The following HS3ST3A1 variants were observed in gnomAD, a reference collection of about 807,000 sequenced individuals.
HS3ST3A1 encodes heparan sulfate-glucosamine 3-sulfotransferase 3A1.
Under a neutral mutation model 25.7 loss-of-function variants are expected in HS3ST3A1, and 19 were observed. The ratio of observed to expected loss-of-function variants is 0.74; its 90% CI spans 0.52 to 1.08. The LOEUF (loss-of-function observed/expected upper bound fraction) is 1.08. HS3ST3A1 is among the 50% of genes least tolerant of loss of function. The pLI, the probability that HS3ST3A1 is intolerant of heterozygous loss-of-function variation, is 0.00. For missense variants in HS3ST3A1, 459 were observed against 594.3 expected, an observed-to-expected ratio of 0.77 and a Z score of 2.37; for synonymous variants, 226 against 278.6, an observed-to-expected ratio of 0.81 and a Z score of 1.88.
At chr17:13,512,321 A>AAAAAAAAAAAAAAAAC (rs1395357582) in intron 1 of HS3ST3A1, among the ~76,000 whole-genome samples, 9 of 144,674 alleles carry the variant, frequency 6.2e-5, no homozygotes, top group African/African-American at 1.6e-4. Flanking sequence ...AAAAAAAAAA[A>AAAAAAAAAAAAAAAAC]AAAAAACTGC....
intron 1 of HS3ST3A1, among the ~76,000 whole-genome samples, chr17:13,521,169 C>T (rs1286332592): frequency 6.6e-6 from 1 of 152,204 alleles, no homozygotes; most frequent in African/African-American, 2.4e-5. Context: ...GGTCTACAGA[C>T]TCCATCAGAA....
At chr17:13,592,771 G>T (rs1391807683) in intron 1 of HS3ST3A1, among the ~76,000 whole-genome samples, 2 of 151,490 alleles carry the variant, frequency 1.3e-5, no homozygotes, top group African/African-American at 4.8e-5. Context: ...TTCTGAGGGA[G>T]ATTTTCATTA....
intron 1 of HS3ST3A1, among the ~76,000 whole-genome samples, chr17:13,584,546 GGAAA>G (rs374270601): frequency 8.0e-5 from 12 of 149,394 alleles, no homozygotes; most frequent in African/African-American, 2.7e-4. Flanking sequence ...AAGGAAGGAA[GGAAA>G]GAAGGAAGGA....
intron 1 of HS3ST3A1, among the ~76,000 whole-genome samples, chr17:13,526,472 T>TA: frequency 1.7e-5 from 1 of 58,364 alleles, no homozygotes; most frequent in African/African-American, 6.2e-5. Context: ...CAACTTTAAT[T>TA]TTTATATATA....
At chr17:13,562,537 A>G (rs1907576301) in intron 1 of HS3ST3A1, among the ~76,000 whole-genome samples, 1 of 152,012 alleles carries the variant, frequency 6.6e-6, no homozygotes, top group Non-Finnish European at 1.5e-5. Context: ...CCACCGTGAA[A>G]GACAGATTCA....
At chr17:13,597,012 T>C (rs1259220378) in intron 1 of HS3ST3A1, among the ~76,000 whole-genome samples, 1 of 152,166 alleles carries the variant, frequency 6.6e-6, no homozygotes, top group Non-Finnish European at 1.5e-5. Context: ...GGACAATCTT[T>C]GATCTTCCTG....
intron 1 of HS3ST3A1, among the ~76,000 whole-genome samples, chr17:13,572,529 G>A (rs1466159483): frequency 6.6e-6 from 1 of 152,214 alleles, no homozygotes; most frequent in Non-Finnish European, 1.5e-5. Context: ...CAGAAAGTAT[G>A]CGAGAGCTGC....
chr17:13,567,843 T>C (rs1191032396), intron 1 of HS3ST3A1, among the ~76,000 whole-genome samples: 1 of 152,216 alleles, frequency 6.6e-6, no homozygotes, highest in African/African-American at 2.4e-5. Context: ...AATCTCCTCC[T>C]GGTAAAGATG....
chr17:13,517,787 G>C (rs529380687), intron 1 of HS3ST3A1, among the ~76,000 whole-genome samples: 2 of 152,262 alleles, frequency 1.3e-5, no homozygotes, highest in African/African-American at 4.8e-5. Context: ...AAGTAGCTGG[G>C]ATTACAGGCG....
At chr17:13,582,422 C>T (rs902027447) in intron 1 of HS3ST3A1, among the ~76,000 whole-genome samples, 1 of 152,036 alleles carries the variant, frequency 6.6e-6, no homozygotes, top group Non-Finnish European at 1.5e-5. Flanking sequence ...TAATTTTGCC[C>T]GAACCTTTAC....
At chr17:13,558,385 A>ATG (rs1907437134) in intron 1 of HS3ST3A1, among the ~76,000 whole-genome samples, 4 of 152,108 alleles carry the variant, frequency 2.6e-5, no homozygotes, top group Admixed American at 1.3e-4. Context: ...TAATATATAT[A>ATG]AAGTACTATG....
chr17:13,507,079 A>C (rs950423909), intron 1 of HS3ST3A1, among the ~76,000 whole-genome samples: 12 of 151,500 alleles, frequency 7.9e-5, no homozygotes, highest in South Asian at 2.1e-4. Context: ...CAAAAAAAAA[A>C]AAAAAAACAA....
At chr17:13,522,851 G>GACACAC (rs1339392406) in intron 1 of HS3ST3A1, among the ~76,000 whole-genome samples, 29 of 93,242 alleles carry the variant, frequency 3.1e-4, no homozygotes, top group Middle Eastern at 6.3e-3. Context: ...CACACACAGA[G>GACACAC]AGACACACAC....
At chr17:13,538,007 C>T (rs1906820452) in intron 1 of HS3ST3A1, among the ~76,000 whole-genome samples, 1 of 152,180 alleles carries the variant, frequency 6.6e-6, no homozygotes. Context: ...AATAAACATT[C>T]TTTAGCGATT....
At chr17:13,578,037 C>T (rs1236672322) in intron 1 of HS3ST3A1, among the ~76,000 whole-genome samples, 1 of 152,088 alleles carries the variant, frequency 6.6e-6, no homozygotes, top group African/African-American at 2.4e-5. Context: ...TATCACTTTA[C>T]TCAGCCATTT....
chr17:13,525,442 A>C (rs1390115528), intron 1 of HS3ST3A1, among the ~76,000 whole-genome samples: 1 of 151,986 alleles, frequency 6.6e-6, no homozygotes, highest in Non-Finnish European at 1.5e-5. Context: ...TCATCTAGAT[A>C]ATTGCAGGGT....
intron 1 of HS3ST3A1, among the ~76,000 whole-genome samples, chr17:13,504,357 C>T (rs1192870352): frequency 6.8e-6 from 1 of 146,952 alleles, no homozygotes; most frequent in Non-Finnish European, 1.5e-5. Context: ...CATTACAATG[C>T]TAACAAACAC....
At chr17:13,587,120 T>A (rs1357556383) in intron 1 of HS3ST3A1, among the ~76,000 whole-genome samples, 1 of 151,980 alleles carries the variant, frequency 6.6e-6, no homozygotes, top group Admixed American at 6.6e-5. Flanking sequence ...TGGACTGTGC[T>A]GTCCTTTTGA....
At chr17:13,600,491 C>G in intron 1 of HS3ST3A1, 40 bp downstream of exon 1, 1 of 1,539,310 alleles carries the variant, frequency 6.5e-7, no homozygotes, top group Non-Finnish European at 8.7e-7. Context: ...GCCCAGGACC[C>G]CCGGATCCTT....
Sources: gnomAD v4.1 joint callset for allele counts (sites outside exome capture counted in the v4.1 genomes callset) on GRCh38, gnomAD v4.1.1 for gene constraint, MANE v1.5 for transcripts, NCBI Gene and HGNC (gene_info 2026-07-23, HGNC 2026-07-21) for gene names.